SLAIN2: variants seen among roughly 807,000 people sequenced by gnomAD.
SLAIN2 encodes the protein SLAIN family member 2.
SLAIN2 carries 31 observed loss-of-function variants against 56.6 expected under a neutral mutation model. The observed-to-expected ratio is 0.55, with a 90% CI of 0.41 to 0.74. The LOEUF (loss-of-function observed/expected upper bound fraction) is 0.74. Ranked by LOEUF, SLAIN2 falls within the 30% of genes least tolerant of loss-of-function variation. SLAIN2 has a pLI of 0.00. For synonymous variants in SLAIN2, 317 were observed against 284.9 expected (o/e 1.11, Z -1.13); for missense variants, 777 against 754.2 (o/e 1.03, Z -0.35).
chr4:48,412,310 A>T (rs1716877468), intron 6 of SLAIN2, among the ~76,000 whole-genome samples: 1 of 150,934 alleles, frequency 6.6e-6, no homozygotes, highest in East Asian at 1.9e-4. Context: ...TTCCCCTACC[A>T]GGGTGGAGAT....
intron 1 of SLAIN2, among the ~76,000 whole-genome samples, chr4:48,357,956 TC>T (rs1715205004): frequency 6.6e-6 from 1 of 151,958 alleles, no homozygotes; most frequent in South Asian, 2.1e-4. Flanking sequence ...ACCTCAGCCT[TC>T]CACAGTATTG....
At chr4:48,379,557 G>A in intron 3 of SLAIN2, 133 bp from the exon 4 acceptor site, 1 of 773,356 alleles carries the variant, frequency 1.3e-6, no homozygotes, top group East Asian at 3.4e-5. Flanking sequence ...TAATTTCAGG[G>A]AATTTTTTAA....
Position 48,341,564 on chromosome 4 carries a change from G to A in SLAIN2, c.-176G>A, listed in dbSNP as rs1228582621. 1 of 981,786 alleles carries A rather than the reference G, an allele frequency of 1.0e-6. No individual in the cohort carries two copies. The highest frequency in any genetic ancestry group is 1.4e-6 in the Non-Finnish European group (1 of 719,830). 60.8% of individuals were successfully genotyped at this position (981,786 alleles called of 1,614,324 possible). On this transcript the variant is annotated 5_prime_UTR_variant, in exon 1 of 8. It introduces an in-frame stop codon into an upstream open reading frame of the 5' UTR. Coordinates refer to ENST00000264313, the MANE Select transcript of SLAIN2 (RefSeq NM_020846.2). ...CCGGCGCAGATGAGGCAGTTCGGCT[G>A]GGGCCAGCGGCGCTTTGGAACCCGA...
chr4:48,356,360 A>G (rs1577710593), intron 1 of SLAIN2, among the ~76,000 whole-genome samples: 1 of 152,150 alleles, frequency 6.6e-6, no homozygotes, highest in South Asian at 2.1e-4. Context: ...AGTAATTGCT[A>G]TCTATATATG....
At chr4:48,412,309 CA>C in intron 6 of SLAIN2, among the ~76,000 whole-genome samples, 1 of 150,740 alleles carries the variant, frequency 6.6e-6, no homozygotes, top group Admixed American at 6.6e-5. Context: ...CTTCCCCTAC[CA>C]GGGTGGAGAT....
At position 48,420,123 on chromosome 4, in the gene SLAIN2, A is replaced by T. The variant is rs773822747; in HGVS notation, c.1361-2A>T. On this transcript the variant is annotated splice_acceptor_variant, in intron 6 of 7. Coordinates refer to ENST00000264313, the MANE Select transcript of SLAIN2 (RefSeq NM_020846.2). LOFTEE classifies it high-confidence loss of function. The stretch of plus-strand genomic sequence containing the variant: ...AATTGGTTTTTCTTTGCCATCCCAC[A>T]GTACCTTCTCCAGGCAAATTCCGTT... The T allele has an allele frequency of 4.3e-6, 7 of 1,613,194 alleles. No individual in the cohort carries two copies. The Admixed American group carries it at 1.2e-4, about 27-fold the overall frequency.
chr4:48,382,615 T>G lies in SLAIN2; in HGVS notation c.910T>G (p.Ser304Ala). Residue 304 changes from serine to alanine, a missense_variant, in exon 5 of 8, where the codon TCA becomes GCA. Ser to Ala is a moderately conservative substitution (Grantham distance 99). Coordinates refer to ENST00000264313, the MANE Select transcript of SLAIN2 (RefSeq NM_020846.2). ...CACCACGTCTCGGCGCAGTTCTGGTTCATCTTGCAATTCTACAAGACGGGG... is the reference window on the plus strand; with the variant it reads ...CACCACGTCTCGGCGCAGTTCTGGTGCATCTTGCAATTCTACAAGACGGGG... ...AATTSRRSSG[S>A]SCNSTRRGTF... The G allele has an allele frequency of 6.2e-7, 1 of 1,611,426 alleles. No individual in the cohort carries two copies. The highest frequency in any genetic ancestry group is 8.5e-7 in the Non-Finnish European group (1 of 1,177,666).
intron 4 of SLAIN2, 69 bp from the exon 5 acceptor site, chr4:48,382,499 A>G (rs1715993408): frequency 7.3e-7 from 1 of 1,363,606 alleles, no homozygotes; most frequent in Non-Finnish European, 9.6e-7. Context: ...ATAATCTTTT[A>G]CTTTAAATTT....
At chr4:48,410,132 G>T (rs1716806794) in intron 6 of SLAIN2, among the ~76,000 whole-genome samples, 1 of 152,070 alleles carries the variant, frequency 6.6e-6, no homozygotes, top group Admixed American at 6.5e-5. Flanking sequence ...TTATTTTAGC[G>T]ATCCTGGTGA....
intron 1 of SLAIN2, among the ~76,000 whole-genome samples, chr4:48,342,913 A>G (rs392187): frequency 0.61 from 92,135 of 151,638 alleles, 28,292 homozygotes; most frequent in South Asian, 0.71. Flanking sequence ...AACCAAAGCT[A>G]TATTGTCATA....
At chr4:48,406,862 CCTTCTG>C (rs1251974736) in intron 6 of SLAIN2, among the ~76,000 whole-genome samples, 2 of 152,076 alleles carry the variant, frequency 1.3e-5, no homozygotes, top group East Asian at 3.8e-4. Context: ...TATTACTCCA[CCTTCTG>C]CAGGAATAAA....
chr4:48,367,360 A>G (rs1715547679), intron 1 of SLAIN2, among the ~76,000 whole-genome samples: 1 of 152,246 alleles, frequency 6.6e-6, no homozygotes. Flanking sequence ...TTACTGAATC[A>G]TTGTCTCCCT....
intron 1 of SLAIN2, among the ~76,000 whole-genome samples, chr4:48,349,765 TTAG>T (rs1306218943): frequency 3.9e-5 from 6 of 152,206 alleles, no homozygotes; most frequent in South Asian, 2.1e-4. Context: ...TCCTTGTTAC[TTAG>T]TAGTAGTAAG....
intron 1 of SLAIN2, among the ~76,000 whole-genome samples, chr4:48,344,457 A>AT (rs1714810259): frequency 1.3e-5 from 2 of 152,146 alleles, no homozygotes; most frequent in African/African-American, 4.8e-5. Flanking sequence ...GAAGATGTCA[A>AT]TAAGTGTTAT....
chr4:48,347,069 GCA>G (rs1241699125), intron 1 of SLAIN2, among the ~76,000 whole-genome samples: 4 of 151,834 alleles, frequency 2.6e-5, no homozygotes, highest in East Asian at 3.9e-4. Flanking sequence ...CCTGTGTGCA[GCA>G]CAGTGTTGGG....
At position 48,382,928 on chromosome 4, in the gene SLAIN2, G is replaced by A; in HGVS notation, c.1222+1G>A. On this transcript the variant is annotated splice_donor_variant, in intron 5 of 7. Coordinates refer to ENST00000264313, the MANE Select transcript of SLAIN2 (RefSeq NM_020846.2). LOFTEE classifies it high-confidence loss of function. ...CAGACAAGCAATGTTAAAAATGAAG[G>A]TAAAATAGCAGATTTTACTAATAAT... is the stretch of plus-strand genomic sequence containing the variant. The A allele has an allele frequency of 1.3e-6, 2 of 1,593,656 alleles. No homozygotes were observed. Among genetic ancestry groups the A allele is most frequent in the Non-Finnish European group, 1.7e-6 (2 of 1,167,598 alleles).
At chr4:48,418,736 A>G (rs1717064924) in intron 6 of SLAIN2, among the ~76,000 whole-genome samples, 1 of 152,136 alleles carries the variant, frequency 6.6e-6, no homozygotes. Flanking sequence ...ATTCTTAAAC[A>G]TTTGGTGGAA....
At chr4:48,411,296 A>G (rs909453665) in intron 6 of SLAIN2, among the ~76,000 whole-genome samples, 3 of 152,062 alleles carry the variant, frequency 2.0e-5, no homozygotes, top group Non-Finnish European at 2.9e-5. Flanking sequence ...GCAGCATGTG[A>G]TTCGTTTTGG....
In SLAIN2 at chr4:48,378,199, G is replaced by A. The variant is rs376637910; in HGVS notation, c.703+139G>A. ...TGGTTAAAGAAAATATCGTTGAGGA[G>A]CAACTTAGCACCAGGTACTATATTA... On this transcript the variant is annotated intron_variant, in intron 3 of 7. Coordinates refer to ENST00000264313, the MANE Select transcript of SLAIN2 (RefSeq NM_020846.2). The A allele has an allele frequency of 3.3e-5, 30 of 906,182 alleles. No homozygotes were observed. In the African/African-American group the frequency reaches 4.0e-4, roughly 12 times the overall value. The allele number at this position is 906,182 out of a possible 1,614,324, so 56.1% of individuals were successfully genotyped here. A position where few individuals can be genotyped will look rare whatever the true frequency, so the allele number is the denominator to read the frequency against.
Sources: gnomAD v4.1 joint callset for allele counts (sites outside exome capture counted in the v4.1 genomes callset) on GRCh38, gnomAD v4.1.1 for gene constraint, MANE v1.5 for transcripts, NCBI Gene and HGNC (gene_info 2026-07-23, HGNC 2026-07-21) for gene names.